The following MTHFS variants were observed in gnomAD, a reference collection of about 807,000 sequenced individuals.
MTHFS encodes methenyltetrahydrofolate synthetase.
MTHFS carries 7 observed loss-of-function variants against 12.7 expected under a neutral mutation model. The observed-to-expected ratio is 0.55, with a 90% CI of 0.31 to 1.03. The LOEUF is 1.03. Among genes scored for constraint, MTHFS ranks in the 50% least tolerant of loss-of-function variants. MTHFS has a pLI of 0.05. For synonymous variants in MTHFS, 100 were observed against 97.1 expected (o/e 1.03, Z -0.18); for missense variants, 252 against 258.1 (o/e 0.98, Z 0.16).
intron 2 of MTHFS, among the ~76,000 whole-genome samples, chr15:79,878,454 G>T (rs905255081): frequency 6.7e-6 from 1 of 150,174 alleles, no homozygotes; most frequent in Non-Finnish European, 1.5e-5. Context: ...ATTGTAACAG[G>T]TTCATAACTC....
chr15:79,852,800 C>A (rs1410800046), intron 2 of MTHFS, among the ~76,000 whole-genome samples: 1 of 152,182 alleles, frequency 6.6e-6, no homozygotes, highest in Non-Finnish European at 1.5e-5. Flanking sequence ...GAATATAAGA[C>A]AATCTGTGTG....
At chr15:79,869,457 T>C (rs1308386025) in intron 2 of MTHFS, among the ~76,000 whole-genome samples, 1 of 152,214 alleles carries the variant, frequency 6.6e-6, no homozygotes, top group East Asian at 1.9e-4. Flanking sequence ...TGTTTTATTT[T>C]TTTGAGACAC....
intron 2 of MTHFS, among the ~76,000 whole-genome samples, chr15:79,857,328 T>C (rs1430327680): frequency 6.6e-6 from 1 of 152,148 alleles, no homozygotes; most frequent in Non-Finnish European, 1.5e-5. Flanking sequence ...TTGCACAGTA[T>C]GATTTCCAAG....
rs77635911 is a variant in MTHFS at position 79,887,968 on chromosome 15, A to T, written c.379+1125T>A. ...TCTGACTCCATCATACTGACTTTAT[A>T]GGCTATGGTGTTATATTGGAAGGGG... On this transcript the variant is annotated intron_variant, in intron 2 of 2. Transcript: ENST00000258874. 3.9e-5 allele frequency among the ~76,000 whole-genome samples: 6 copies of T among 152,140 alleles called. No homozygotes were observed. In the East Asian group the frequency reaches 7.7e-4, roughly 20 times the overall value.
chr15:79,863,012 C>T (rs1281198409), intron 2 of MTHFS, among the ~76,000 whole-genome samples: 3 of 152,166 alleles, frequency 2.0e-5, no homozygotes, highest in Non-Finnish European at 2.9e-5. Flanking sequence ...CCTGGAGCCA[C>T]CTCAAACGGG....
intron 1 of MTHFS, 89 bp from the exon 2 acceptor site, chr15:79,889,443 C>A: frequency 7.0e-4 from 522 of 744,582 alleles, no homozygotes; most frequent in Middle Eastern, 1.9e-3. Flanking sequence ...CAGCCTTCTC[C>A]AATTTCTTTA....
intron 2 of MTHFS, among the ~76,000 whole-genome samples, chr15:79,885,959 T>C (rs2034375743): frequency 6.6e-6 from 1 of 152,242 alleles, no homozygotes; most frequent in African/African-American, 2.4e-5. Context: ...TCAGACTATA[T>C]ACTTGCATTG....
rs1567001855 is a variant in MTHFS at position 79,896,732 on chromosome 15, AGGGGAAACGTGCGCGCG to A, written c.117+123_117+139del. On this transcript the variant is annotated intron_variant, in intron 1 of 2. Transcript: ENST00000258874. ...GACTAGGGGGCGTGCGCGCGCCGGG[AGGGGAAACGTGCGCGCG>A]CCGGGGGGTGGGGGGGCGCCTAGCC... is the stretch of plus-strand genomic sequence containing the variant. 4,846 of 433,648 alleles carry A rather than the reference AGGGGAAACGTGCGCGCG, an allele frequency of 0.011. 146 individuals are homozygous for A. The African/African-American group carries it at 0.12, about 11-fold the overall frequency. 26.9% of individuals were successfully genotyped at this position (433,648 alleles called of 1,614,324 possible). A position where few individuals can be genotyped will look rare whatever the true frequency, so the allele number is the denominator to read the frequency against.
intron 2 of MTHFS, among the ~76,000 whole-genome samples, chr15:79,866,942 T>G (rs2141355954): frequency 6.6e-6 from 1 of 151,518 alleles, no homozygotes; most frequent in South Asian, 2.1e-4. Flanking sequence ...GGCATGCCAC[T>G]GCACTCCAGC....
Position 79,867,074 on chromosome 15 carries a change from C to T in MTHFS, c.380-21632G>A, listed in dbSNP as rs1472689699. ...AACAATTTATCTTACTTCCCATTTT[C>T]CCCCATTCTCCAGCCTCCCCTAACT... On this transcript the variant is annotated intron_variant, in intron 2 of 2. Coordinates refer to ENST00000258874, the MANE Select transcript of MTHFS (RefSeq NM_006441.4). 5.3e-5 allele frequency among the ~76,000 whole-genome samples: 8 copies of T among 152,224 alleles called. 3 individuals carry two copies. Among genetic ancestry groups the T allele is most frequent in the Admixed American group, 5.2e-4 (8 of 15,296 alleles).
chr15:79,852,095 G>A (rs1024519389), intron 2 of MTHFS, among the ~76,000 whole-genome samples: 22 of 152,106 alleles, frequency 1.4e-4, no homozygotes, highest in African/African-American at 5.3e-4. Context: ...AGAGACACAG[G>A]TACTTCCATC....
At chr15:79,857,064 C>T (rs574420657) in intron 2 of MTHFS, among the ~76,000 whole-genome samples, 1 of 151,512 alleles carries the variant, frequency 6.6e-6, no homozygotes, top group East Asian at 1.9e-4. Flanking sequence ...AGCACGATCT[C>T]GGCTCACTGC....
intron 2 of MTHFS, among the ~76,000 whole-genome samples, chr15:79,853,426 T>C (rs2033748320): frequency 6.6e-6 from 1 of 151,414 alleles, no homozygotes; most frequent in Non-Finnish European, 1.5e-5. Context: ...TTAGTAAAGT[T>C]ACTGAAATTC....
At chr15:79,847,649 G>A (rs1401423661) in intron 2 of MTHFS, among the ~76,000 whole-genome samples, 10 of 130,140 alleles carry the variant, frequency 7.7e-5, no homozygotes, top group African/African-American at 2.9e-4. Context: ...CAGCCTGGGC[G>A]ACAGAGTGAG....
At chr15:79,892,679 G>T (rs1429685782) in intron 1 of MTHFS, among the ~76,000 whole-genome samples, 2 of 152,198 alleles carry the variant, frequency 1.3e-5, no homozygotes, top group African/African-American at 4.8e-5. Context: ...ACGGCTGGGC[G>T]TGGTGGCTCA....
rs181894607 is a variant in MTHFS, at chr15:79,890,929, C to T, written c.118-1575G>A. Among the ~76,000 whole-genome samples the T allele has an allele frequency of 7.9e-5, 12 of 152,314 alleles. No individual in the cohort carries two copies. In the East Asian group the frequency reaches 2.3e-3, roughly 29 times the overall value. The stretch of plus-strand genomic sequence containing the variant: ...TTAAGTATCCTTTTTGCTCTCTTTA[C>T]AGCAGAATATAGAAGATCGAGAGTT... On this transcript the variant is annotated intron_variant, in intron 1 of 2. Transcript: ENST00000258874.
chr15:79,856,335 CAT>C (rs1486132050), intron 2 of MTHFS, among the ~76,000 whole-genome samples: 7 of 152,168 alleles, frequency 4.6e-5, no homozygotes, highest in Middle Eastern at 3.2e-3. Context: ...AGTATCTGCA[CAT>C]GTCTTTGCCT....
intron 2 of MTHFS, among the ~76,000 whole-genome samples, chr15:79,880,090 GA>G (rs1395542992): frequency 6.6e-6 from 1 of 151,974 alleles, no homozygotes; most frequent in Non-Finnish European, 1.5e-5. Context: ...TTCTTTTTAA[GA>G]CGGAGTCTCG....
intron 2 of MTHFS, among the ~76,000 whole-genome samples, chr15:79,850,073 T>G (rs1436793988): frequency 6.6e-6 from 1 of 152,286 alleles, no homozygotes; most frequent in East Asian, 1.9e-4. Flanking sequence ...TGCTTCCATT[T>G]GTTTTCTCAT....
Sources: gnomAD v4.1 joint callset for allele counts (sites outside exome capture counted in the v4.1 genomes callset) on GRCh38, gnomAD v4.1.1 for gene constraint, MANE v1.5 for transcripts, NCBI Gene and HGNC (gene_info 2026-07-23, HGNC 2026-07-21) for gene names.